Variants in VPS8 observed in about 807,000 individuals in gnomAD.
The protein encoded by VPS8 is vacuolar protein sorting-associated protein 8 homolog.
In VPS8, 129 loss-of-function variants were observed where a neutral mutation model predicts 216.4. That is an observed-to-expected ratio of 0.60 (90% CI 0.52 to 0.69). The LOEUF is 0.69. Among genes scored for constraint, VPS8 ranks in the 30% least tolerant of loss-of-function variants. The pLI is 0.00. For synonymous variants in VPS8, 571 were observed against 565.4 expected (o/e 1.01, Z -0.14); for missense variants, 1,531 against 1,683.5 (o/e 0.91, Z 1.59).
At chr3:184,907,418 T>C (rs1279884217) in intron 25 of VPS8, among the ~76,000 whole-genome samples, 1 of 152,232 alleles carries the variant, frequency 6.6e-6, no homozygotes, top group East Asian at 1.9e-4. Flanking sequence ...GAGGGAGGTA[T>C]GTAGCTTCTT....
intron 25 of VPS8, 131 bp downstream of exon 25, chr3:184,901,103 TAATC>T (rs2108986922): frequency 1.3e-6 from 1 of 784,648 alleles, no homozygotes; most frequent in South Asian, 1.7e-5. Context: ...AACACCACCA[TAATC>T]AAGCTGCAGA....
At chr3:184,998,234 G>A (rs1310014024) in intron 44 of VPS8, among the ~76,000 whole-genome samples, 1 of 152,116 alleles carries the variant, frequency 6.6e-6, no homozygotes, top group African/African-American at 2.4e-5. Context: ...TCTGACCTAT[G>A]TCTTAAGGAT....
At chr3:184,871,009 T>C (rs1225735609) in intron 21 of VPS8, among the ~76,000 whole-genome samples, 1 of 152,160 alleles carries the variant, frequency 6.6e-6, no homozygotes, top group Non-Finnish European at 1.5e-5. Flanking sequence ...GAGTGTTACT[T>C]AGCGCTTAGC....
intron 34 of VPS8, 79 bp from the exon 35 acceptor site, chr3:184,936,167 G>A (rs750035825): frequency 1.1e-4 from 137 of 1,221,452 alleles, no homozygotes; most frequent in South Asian, 6.9e-4. Flanking sequence ...TATTGAGGTA[G>A]GTAATCGTGC....
chr3:184,985,320 G>A (rs114676698), intron 42 of VPS8, among the ~76,000 whole-genome samples: 6,369 of 152,076 alleles, frequency 0.042, 144 homozygotes, highest in African/African-American at 0.054. Flanking sequence ...CCTAATTCAC[G>A]TTCTTTTTTA....
chr3:185,005,820 G>A (rs2109957343), intron 45 of VPS8, among the ~76,000 whole-genome samples: 1 of 152,112 alleles, frequency 6.6e-6, no homozygotes, highest in South Asian at 2.1e-4. Flanking sequence ...GGGTTTTTAA[G>A]GTACACAATC....
chr3:184,888,693 T>A (rs1255666961), intron 22 of VPS8, among the ~76,000 whole-genome samples: 1 of 152,204 alleles, frequency 6.6e-6, no homozygotes, highest in Non-Finnish European at 1.5e-5. Flanking sequence ...TACTAATAAG[T>A]ACTGGAATCA....
At chr3:185,011,747 G>C (rs1181313623) in intron 45 of VPS8, among the ~76,000 whole-genome samples, 2 of 152,160 alleles carry the variant, frequency 1.3e-5, no homozygotes, top group African/African-American at 2.4e-5. Flanking sequence ...TCCTAACAAA[G>C]CCAGAGCCCA....
intron 8 of VPS8, among the ~76,000 whole-genome samples, chr3:184,845,623 T>C (rs1396364594): frequency 6.6e-6 from 1 of 151,906 alleles, no homozygotes; most frequent in East Asian, 1.9e-4. Context: ...GGCATGTTGA[T>C]GCATGCCTGT....
chr3:184,925,024 A>T, intron 30 of VPS8, 43 bp downstream of exon 30: 1 of 1,578,826 alleles, frequency 6.3e-7, no homozygotes, highest in Non-Finnish European at 8.6e-7. Context: ...TTTCCTGTTT[A>T]CTGCGCACAG....
chr3:184,836,913 TTAAAA>T (rs1721198807), intron 5 of VPS8, among the ~76,000 whole-genome samples: 1 of 152,242 alleles, frequency 6.6e-6, no homozygotes, highest in African/African-American at 2.4e-5. Context: ...TGACTATACT[TTAAAA>T]TAATTCAAAG....
intron 46 of VPS8, among the ~76,000 whole-genome samples, chr3:185,036,271 C>G (rs1020024564): frequency 6.6e-6 from 1 of 152,070 alleles, no homozygotes; most frequent in Admixed American, 6.5e-5. Flanking sequence ...TTCTAAAATT[C>G]ATGTAGAACA....
At position 184,822,659 on chromosome 3, in the gene VPS8, T is replaced by A. The variant is rs190353940; in HGVS notation, c.-88-1886T>A. Among the ~76,000 whole-genome samples the A allele has an allele frequency of 1.3e-4, 20 of 152,372 alleles. No homozygotes were observed. The South Asian group carries it at 1.4e-3, about 11-fold the overall frequency. ...TTAGATTGTGCATGTTTGTAAATAG[T>A]TGTTAAATAATTGCAACCCTTTTTG... is the stretch of plus-strand genomic sequence containing the variant. On this transcript the variant is annotated intron_variant, in intron 1 of 47. Transcript: ENST00000625842.
chr3:185,024,250 A>G, intron 45 of VPS8, 86 bp from the exon 46 acceptor site: 5 of 1,209,470 alleles, frequency 4.1e-6, no homozygotes, highest in Non-Finnish European at 3.5e-6. Context: ...AGTTATACCA[A>G]TTCTAGTTGA....
At chr3:184,940,351 C>T (rs1289484145) in intron 36 of VPS8, 108 bp downstream of exon 36, 1 of 352,132 alleles carries the variant, frequency 2.8e-6, no homozygotes, top group East Asian at 7.6e-5. Context: ...ACAATTAGCT[C>T]TTAATTTTTT....
intron 44 of VPS8, among the ~76,000 whole-genome samples, chr3:184,997,045 CAGGT>C (rs1261254694): frequency 6.6e-6 from 1 of 152,148 alleles, no homozygotes; most frequent in East Asian, 1.9e-4. Flanking sequence ...TGTTAGACAT[CAGGT>C]AGGGATGCCA....
intron 37 of VPS8, among the ~76,000 whole-genome samples, chr3:184,961,285 G>C (rs528243980): frequency 1.3e-5 from 2 of 152,222 alleles, no homozygotes; most frequent in Admixed American, 1.3e-4. Context: ...TTTTTCAGCT[G>C]TCATGTATCG....
chr3:184,890,048 A>G (rs1578099416), intron 22 of VPS8, among the ~76,000 whole-genome samples: 1 of 152,204 alleles, frequency 6.6e-6, no homozygotes, highest in Non-Finnish European at 1.5e-5. Flanking sequence ...TGCCATAGAT[A>G]ATAAGGTTAA....
Position 184,996,484 on chromosome 3 carries a change from T to A in VPS8, c.3819T>A (p.Asp1273Glu). 1 of 1,606,184 alleles carries A rather than the reference T, an allele frequency of 6.2e-7. No homozygotes were observed. The highest frequency in any genetic ancestry group is 8.5e-7 in the Non-Finnish European group (1 of 1,176,608). Residue 1273 changes from aspartate to glutamate, a missense_variant, in exon 44 of 48, where the codon GAT becomes GAA. Asp to Glu is a conservative substitution (Grantham distance 45). Transcript: ENST00000625842. Reference protein sequence around the residue: ...QQYKRRQEMADEIIVFSCGHL... With the variant: ...QQYKRRQEMAEEIIVFSCGHL... ...ACAAGAGACGCCAAGAAATGGCTGA[T>A]GAAATAATTGTCTTTAGGTAAGAAA...
Sources: allele counts gnomAD v4.1 joint callset (sites outside exome capture counted in the v4.1 genomes callset), GRCh38; gene constraint gnomAD v4.1.1; transcripts MANE v1.5; gene names NCBI Gene and HGNC (gene_info 2026-07-23, HGNC 2026-07-21).